The following PLEKHM1 variants were observed in gnomAD, a reference collection of about 807,000 sequenced individuals.
PLEKHM1 encodes the protein pleckstrin homology and RUN domain containing M1.
A neutral mutation model predicts 94.3 loss-of-function variants in PLEKHM1; 28 were observed. The ratio of observed to expected loss-of-function variants is 0.30; its 90% CI spans 0.22 to 0.41. The LOEUF is 0.41. Among genes scored for constraint, PLEKHM1 ranks in the 10% least tolerant of loss-of-function variants. PLEKHM1 has a pLI of 1.00. For synonymous variants in PLEKHM1, 424 were observed against 581.2 expected, an observed-to-expected ratio of 0.73 and a Z score of 3.89; for missense variants, 907 against 1,358.6, an observed-to-expected ratio of 0.67 and a Z score of 5.22.
At chr17:45,485,402 C>T (rs949479556) in intron 1 of PLEKHM1, among the ~76,000 whole-genome samples, 3 of 152,116 alleles carry the variant, frequency 2.0e-5, no homozygotes, top group Non-Finnish European at 2.9e-5. Flanking sequence ...AGAGAGAGCC[C>T]GAAGCCCCAA....
intron 5 of PLEKHM1, among the ~76,000 whole-genome samples, chr17:45,461,803 G>C (rs528406059): frequency 5.3e-4 from 80 of 152,296 alleles, no homozygotes; most frequent in African/African-American, 1.9e-3. Flanking sequence ...GCTGCTCACT[G>C]GCTGGGGAAG....
rs2050869433 is a variant in PLEKHM1 at position 45,454,091 on chromosome 17, T to C, written c.1761A>G (p.Pro587=). The C allele has an allele frequency of 1.2e-6, 2 of 1,614,092 alleles. No individual in the cohort carries two copies. Among genetic ancestry groups the C allele is most frequent in the African/African-American group, 1.3e-5 (1 of 74,964 alleles). Residue 587 remains proline, a synonymous_variant, in exon 7 of 12, where the codon CCA becomes CCG. Transcript: ENST00000430334. The stretch of plus-strand genomic sequence containing the variant: ...GCTCAAAGCGCCCATCACTATGGGC[T>C]GGCCCCACAGACTCACAGCGAAGCA... The part of the protein sequence containing the change: ...CSLLRCESVG[P]AHSDGRFELV...
At chr17:45,438,852 C>T (rs181839015) in intron 11 of PLEKHM1, among the ~76,000 whole-genome samples, 7 of 152,294 alleles carry the variant, frequency 4.6e-5, no homozygotes, top group Non-Finnish European at 7.3e-5. Context: ...CCACCACGCC[C>T]GGCCAAGATG....
chr17:45,486,240 A>T (rs142925250), intron 1 of PLEKHM1, among the ~76,000 whole-genome samples: 14,717 of 140,188 alleles, frequency 0.1, 1,137 homozygotes, highest in Admixed American at 0.15. Context: ...TAAAATAAAA[A>T]AATAATAATA....
intron 5 of PLEKHM1, among the ~76,000 whole-genome samples, chr17:45,465,810 A>G (rs2051303128): frequency 6.6e-6 from 1 of 152,016 alleles, no homozygotes; most frequent in Admixed American, 6.6e-5. Flanking sequence ...GTGAGCAAAG[A>G]TGCTATTCTG....
intron 1 of PLEKHM1, among the ~76,000 whole-genome samples, chr17:45,488,395 AT>A (rs2052196191): frequency 6.6e-6 from 1 of 152,332 alleles, no homozygotes; most frequent in South Asian, 2.1e-4. Flanking sequence ...GAATGAATTG[AT>A]TAATAAAATA....
chr17:45,439,464 G>A lies in PLEKHM1; in HGVS notation c.3059+13C>T. The A allele has an allele frequency of 1.2e-6, 2 of 1,614,078 alleles. No individual in the cohort carries two copies. Among genetic ancestry groups the A allele is most frequent in the Non-Finnish European group, 1.7e-6 (2 of 1,179,982 alleles). On this transcript the variant is annotated intron_variant, in intron 11 of 11. Transcript: ENST00000430334. The stretch of plus-strand genomic sequence containing the variant: ...GTGGGGCTGGAAGGCGGCTGGCTGG[G>A]TGTCCCGCATACCTGACTGTGGTGT...
At chr17:45,486,216 C>CAAAA (rs1214022191) in intron 1 of PLEKHM1, among the ~76,000 whole-genome samples, 34 of 79,880 alleles carry the variant, frequency 4.3e-4, no homozygotes, top group African/African-American at 1.5e-3. Flanking sequence ...GACTCCGTCT[C>CAAAA]AAAAAAAAAA....
rs759026894 is a variant in PLEKHM1, at chr17:45,475,592, C to T, written c.431G>A (p.Arg144His). ...GGTGGGCTGGTAGTACTCATGCAAG[C>T]GGGCCTGCTCCTGCAGCAGCAGCTT... ...YLKLLLQEQA[R>H]LHEYYQPTAL... The change falls in exon 4 of 12, where the codon CGC becomes CAC. Residue 144 changes from arginine (R) to histidine (H), a missense_variant. Arg to His is a conservative substitution (Grantham distance 29). Transcript: ENST00000430334. The T allele has an allele frequency of 1.2e-4, 199 of 1,613,980 alleles. 2 individuals carry two copies. In the South Asian group the frequency reaches 1.4e-3, roughly 12 times the overall value.
At chr17:45,434,273 T>TA (rs1567751312), downstream of PLEKHM1, 1 of 152,128 alleles carries the variant, frequency 6.6e-6, no homozygotes, top group Non-Finnish European at 1.5e-5. Context: ...GTCAGGCAGG[T>TA]ATGATGCCCC....
At position 45,439,538 on chromosome 17, in the gene PLEKHM1, T is replaced by C. The variant is rs2050374342; in HGVS notation, c.2998A>G (p.Ile1000Val). The stretch of plus-strand genomic sequence containing the variant: ...TCGTGGTGCTGGCAGATCTGGCAGA[T>C]GAAGCCGCGCTGGGTGCACAGGTCG... ...HCDLCTQRGF[I>V]CQICQHHDII... Residue 1000 changes from isoleucine to valine, a missense_variant, in exon 11 of 12, where the codon ATC becomes GTC. Transcript: ENST00000430334. 1 of 1,614,218 alleles carries C rather than the reference T, an allele frequency of 6.2e-7. No individual in the cohort carries two copies. Among genetic ancestry groups the C allele is most frequent in the Non-Finnish European group, 8.5e-7 (1 of 1,180,048 alleles).
intron 3 of PLEKHM1, chr17:45,477,128 T>C (rs1488128195): frequency 6.5e-6 from 1 of 152,970 alleles, no homozygotes; most frequent in African/African-American, 2.4e-5. Flanking sequence ...GCCAAAGAGA[T>C]AAGTGTCTCA....
chr17:45,439,682 C>T (rs767697333), intron 10 of PLEKHM1, 48 bp from the exon 11 acceptor site: 40 of 1,609,962 alleles, frequency 2.5e-5, no homozygotes, highest in Admixed American at 6.7e-5. Flanking sequence ...CTGCGATCTG[C>T]GGAGGGCTGG....
At chr17:45,442,612 C>A (rs1322597630) in intron 9 of PLEKHM1, among the ~76,000 whole-genome samples, 2 of 152,202 alleles carry the variant, frequency 1.3e-5, no homozygotes, top group Non-Finnish European at 2.9e-5. Context: ...ACTATGTTGG[C>A]CAGGCTGGTC....
At chr17:45,474,780 G>GT (rs1309589278) in intron 4 of PLEKHM1, among the ~76,000 whole-genome samples, 1 of 152,126 alleles carries the variant, frequency 6.6e-6, no homozygotes, top group Non-Finnish European at 1.5e-5. Context: ...CAATCCTCCT[G>GT]TATCAGCCTC....
Position 45,445,990 on chromosome 17 carries a change from C to T in PLEKHM1, c.2644-327G>A. 2 of 487,640 alleles carry T rather than the reference C, an allele frequency of 4.1e-6. No individual in the cohort carries two copies. Among genetic ancestry groups the T allele is most frequent in the South Asian group, 4.5e-5 (2 of 44,034 alleles). 30.2% of individuals were successfully genotyped at this position (487,640 alleles called of 1,614,324 possible). A position where few individuals can be genotyped will look rare whatever the true frequency, so the allele number is the denominator to read the frequency against. On this transcript the variant is annotated intron_variant, in intron 8 of 11. Transcript: ENST00000430334. The surrounding 1 kb of genome is among the most constrained non-coding windows in gnomAD (Gnocchi z 4.2). The stretch of plus-strand genomic sequence containing the variant: ...CCCTCTGGGCCTCACAGATCCTTCC[C>T]ACTCTTTCCTGTCCTCCCAGCCCCT...
At chr17:45,480,162 G>A (rs1173912429) in intron 2 of PLEKHM1, among the ~76,000 whole-genome samples, 1 of 152,028 alleles carries the variant, frequency 6.6e-6, no homozygotes, top group Admixed American at 6.6e-5. Flanking sequence ...TCACACAATT[G>A]TGCAACCATC....
At chr17:45,441,251 C>T (rs2050437457) in intron 9 of PLEKHM1, among the ~76,000 whole-genome samples, 1 of 152,164 alleles carries the variant, frequency 6.6e-6, no homozygotes, top group South Asian at 2.1e-4. Flanking sequence ...GGTGCCAGCC[C>T]TGGGTCTGGG....
rs894449442 is a variant in PLEKHM1 at position 45,465,960 on chromosome 17, C to T, written c.1308+2249G>A. ...GCGCACAGCCTGCATCCCCAGCAGACGTCACTCTGCCTCCAGCTTGAGGAA... is the reference window on the plus strand; with the variant it reads ...GCGCACAGCCTGCATCCCCAGCAGATGTCACTCTGCCTCCAGCTTGAGGAA... On this transcript the variant is annotated intron_variant, in intron 5 of 11. Coordinates refer to ENST00000430334, the MANE Select transcript of PLEKHM1 (RefSeq NM_014798.3). Among the ~76,000 whole-genome samples, 10 of 152,166 alleles carry T rather than the reference C, an allele frequency of 6.6e-5. 1 individual carries two copies. In the South Asian group the frequency reaches 1.9e-3, roughly 28 times the overall value.
Sources: allele counts gnomAD v4.1 joint callset (sites outside exome capture counted in the v4.1 genomes callset), GRCh38; gene constraint gnomAD v4.1.1; non-coding constraint Gnocchi (gnomAD v3.1); transcripts MANE v1.5; gene names NCBI Gene and HGNC (gene_info 2026-07-23, HGNC 2026-07-21).